PLEKHA8: variants seen among roughly 807,000 people sequenced by gnomAD.
PLEKHA8 encodes pleckstrin homology domain containing A8.
PLEKHA8 carries 36 observed loss-of-function variants against 68.2 expected under a neutral mutation model. That is an observed-to-expected ratio of 0.53 (90% CI 0.40 to 0.70). PLEKHA8 has a LOEUF of 0.70. Ranked by LOEUF, PLEKHA8 falls within the 30% of genes least tolerant of loss-of-function variation. PLEKHA8 has a pLI of 0.00. For synonymous variants in PLEKHA8, 211 were observed against 216.1 expected (o/e 0.98, Z 0.20); for missense variants, 505 against 615.4 (o/e 0.82, Z 1.90).
At position 30,080,043 on chromosome 7, in the gene PLEKHA8, G is replaced by A; in HGVS notation, c.*1256G>A. ...CAGCAGGCCTTTGCATTGCATTCGG[G>A]GACCATGACTCTGAATCTGCTTACC... On this transcript the variant is annotated 3_prime_UTR_variant, in exon 14 of 14. Coordinates refer to ENST00000449726, the MANE Select transcript of PLEKHA8 (RefSeq NM_001197026.2). 1 of 984,886 alleles carries A rather than the reference G, an allele frequency of 1.0e-6. No individual in the cohort carries two copies. The highest frequency in any genetic ancestry group is 1.2e-6 in the Non-Finnish European group (1 of 829,836). 61.0% of individuals were successfully genotyped at this position (984,886 alleles called of 1,614,324 possible).
chr7:30,066,858 T>C (rs1793881480), intron 12 of PLEKHA8, among the ~76,000 whole-genome samples: 1 of 152,218 alleles, frequency 6.6e-6, no homozygotes, highest in South Asian at 2.1e-4. Context: ...TGCTCAGTCA[T>C]GTATTTAATA....
Position 30,081,415 on chromosome 7 carries a change from C to T in PLEKHA8, c.*2628C>T, listed in dbSNP as rs953316990. 7.1e-6 allele frequency: 7 copies of T among 984,392 alleles called. No homozygotes were observed. The African/African-American group carries it at 8.7e-5, about 12-fold the overall frequency. The allele number at this position is 984,392 out of a possible 1,614,324, so 61.0% of individuals were successfully genotyped here. ...ATACTAAACAGTAAATTCAGCTTAA[C>T]CTGAACCTTGGCATAGTCAGAGCTT... On this transcript the variant is annotated 3_prime_UTR_variant, in exon 14 of 14. Transcript: ENST00000449726.
chr7:30,120,158 AAAAAAAAAAAAC>A (rs1403199404), intron 13 of PLEKHA8, among the ~76,000 whole-genome samples: 16 of 141,586 alleles, frequency 1.1e-4, no homozygotes, highest in East Asian at 9.9e-4. Flanking sequence ...CAAATAATTA[AAAAAAAAAAAAC>A]AAAAAAAAAA....
Position 30,129,264 on chromosome 7 carries a change from A to G in PLEKHA8, c.1363-2A>G, listed in dbSNP as rs1213938618. The G allele has an allele frequency of 2.5e-6, 4 of 1,612,836 alleles. No individual in the cohort carries two copies. Among genetic ancestry groups the G allele is most frequent in the Non-Finnish European group, 3.4e-6 (4 of 1,179,866 alleles). On this transcript the variant is annotated splice_acceptor_variant, in intron 13 of 13. Coordinates refer to the PLEKHA8 transcript ENST00000396257. LOFTEE classifies it high-confidence loss of function. Reference sequence around the variant, plus strand: ...GTCCTTCCCTCTTTTATCCTGGTGTAGGTGTAGGAATGTGGGTGTAGACGG... The same window carrying G: ...GTCCTTCCCTCTTTTATCCTGGTGTGGGTGTAGGAATGTGGGTGTAGACGG...
At chr7:30,036,785 A>G (rs1301073561) in intron 1 of PLEKHA8, among the ~76,000 whole-genome samples, 2 of 152,200 alleles carry the variant, frequency 1.3e-5, no homozygotes, top group East Asian at 3.8e-4. Flanking sequence ...TTTTCTCTAA[A>G]TCTCCAAACC....
At chr7:30,060,239 C>A (rs375204634) in intron 9 of PLEKHA8, among the ~76,000 whole-genome samples, 1 of 152,118 alleles carries the variant, frequency 6.6e-6, no homozygotes, top group Non-Finnish European at 1.5e-5. Context: ...ATTAGGAGTT[C>A]GAGACCAGCC....
intron 1 of PLEKHA8, among the ~76,000 whole-genome samples, chr7:30,044,427 T>A (rs531733566): frequency 6.6e-6 from 1 of 152,240 alleles, no homozygotes; most frequent in Non-Finnish European, 1.5e-5. Flanking sequence ...GTATTTCTAC[T>A]ACACATGGTT....
chr7:30,124,878 T>C (rs1035705717), intron 13 of PLEKHA8, among the ~76,000 whole-genome samples: 11 of 152,042 alleles, frequency 7.2e-5, no homozygotes, highest in African/African-American at 1.9e-4. Context: ...TCAAATATGT[T>C]CTGATAAGTT....
intron 12 of PLEKHA8, among the ~76,000 whole-genome samples, chr7:30,063,103 C>T (rs575111070): frequency 6.6e-6 from 1 of 152,278 alleles, no homozygotes; most frequent in African/African-American, 2.4e-5. Context: ...GCTTGAACAC[C>T]ATAACAGCGG....
chr7:30,084,729 T>C, downstream of PLEKHA8: 4 of 748,088 alleles, frequency 5.3e-6, no homozygotes, highest in Non-Finnish European at 6.5e-6. Flanking sequence ...GGAACACACA[T>C]GACTTGCTGG....
chr7:30,127,517 T>A lies in PLEKHA8; in HGVS notation c.1363-1749T>A, dbSNP rs1233970400. On this transcript the variant is annotated intron_variant, in intron 13 of 13. Coordinates refer to the PLEKHA8 transcript ENST00000396257. ...TTTTGCAAGCCAAACTTAAGAATAA[T>A]CTTCCTTTGAAATTGTTATGATCAC... Among the ~76,000 whole-genome samples the A allele has an allele frequency of 2.0e-5, 3 of 152,326 alleles. No homozygotes were observed. The East Asian group carries it at 5.8e-4, about 29-fold the overall frequency.
In PLEKHA8 at chr7:30,084,552, A is replaced by G; in HGVS notation, c.*5765A>G. The G allele has an allele frequency of 1.0e-6, 1 of 985,112 alleles. No homozygotes were observed. The highest frequency in any genetic ancestry group is 6.1e-5 in the Admixed American group (1 of 16,274). 61.0% of individuals were successfully genotyped at this position (985,112 alleles called of 1,614,324 possible). A position where few individuals can be genotyped will look rare whatever the true frequency, so the allele number is the denominator to read the frequency against. On this transcript the variant is annotated 3_prime_UTR_variant, in exon 14 of 14. Coordinates refer to ENST00000449726, the MANE Select transcript of PLEKHA8 (RefSeq NM_001197026.2). ...AGTCCTTATTCTCTATCTTGTGGGG[A>G]GGGGTGACAGGGGAGGGTTTTACTT...
intron 13 of PLEKHA8, among the ~76,000 whole-genome samples, chr7:30,105,441 A>G (rs1397173891): frequency 6.6e-6 from 1 of 151,918 alleles, no homozygotes; most frequent in African/African-American, 2.4e-5. Context: ...CTGTGATTGC[A>G]CTACTGCATT....
At chr7:30,124,169 C>T (rs1246296279) in intron 13 of PLEKHA8, among the ~76,000 whole-genome samples, 3 of 152,130 alleles carry the variant, frequency 2.0e-5, no homozygotes, top group East Asian at 1.9e-4. Context: ...GGGCTTTTTT[C>T]GTTGTTTCTG....
intron 12 of PLEKHA8, among the ~76,000 whole-genome samples, chr7:30,064,657 A>G (rs1326666960): frequency 6.6e-6 from 1 of 152,240 alleles, no homozygotes; most frequent in Non-Finnish European, 1.5e-5. Flanking sequence ...TATGAAGTTA[A>G]TAACCTGCCA....
chr7:30,081,012 G>A lies in PLEKHA8; in HGVS notation c.*2225G>A. On this transcript the variant is annotated 3_prime_UTR_variant, in exon 14 of 14. Transcript: ENST00000449726. Reference sequence around the variant, plus strand: ...AACTCTGTGGTCTCTTGGAGAGGTAGCACTCTGAAAATACCTCAGGTTTGC... The same window carrying A: ...AACTCTGTGGTCTCTTGGAGAGGTAACACTCTGAAAATACCTCAGGTTTGC... The A allele has an allele frequency of 3.0e-6, 3 of 985,322 alleles. No individual in the cohort carries two copies. The highest frequency in any genetic ancestry group is 3.6e-6 in the Non-Finnish European group (3 of 829,902). The allele number at this position is 985,322 out of a possible 1,614,324, so 61.0% of individuals were successfully genotyped here.
chr7:30,032,202 A>T (rs1790719777), intron 1 of PLEKHA8, among the ~76,000 whole-genome samples: 1 of 152,214 alleles, frequency 6.6e-6, no homozygotes, highest in Non-Finnish European at 1.5e-5. Context: ...TTAGTCAAGG[A>T]GTATTATACA....
intron 12 of PLEKHA8, chr7:30,069,778 A>G (rs766496736): frequency 6.6e-6 from 1 of 152,152 alleles, no homozygotes; most frequent in Non-Finnish European, 1.5e-5. Flanking sequence ...GAAAGTCACT[A>G]CCTTTCTGGG....
At chr7:30,047,698 C>A in intron 3 of PLEKHA8, 134 bp from the exon 4 acceptor site, 1 of 909,990 alleles carries the variant, frequency 1.1e-6, no homozygotes, top group Non-Finnish European at 1.6e-6. Context: ...GCAACCCATA[C>A]TTTAAAGATT....
Sources: gnomAD v4.1 joint callset for allele counts (sites outside exome capture counted in the v4.1 genomes callset) on GRCh38, gnomAD v4.1.1 for gene constraint, MANE v1.5 for transcripts, NCBI Gene and HGNC (gene_info 2026-07-23, HGNC 2026-07-21) for gene names.